ROBO1: variants seen among roughly 807,000 people sequenced by gnomAD.
ROBO1 encodes the protein roundabout guidance receptor 1.
A neutral mutation model predicts 195.9 loss-of-function variants in ROBO1; 149 were observed. The ratio of observed to expected loss-of-function variants is 0.76; its 90% CI spans 0.67 to 0.87. The LOEUF is 0.87. Ranked by LOEUF, ROBO1 falls within the 40% of genes least tolerant of loss-of-function variation. The probability of loss-of-function intolerance (pLI) is 0.00; values close to 1 mark genes in which losing one functional copy is unlikely to be tolerated. For synonymous variants in ROBO1, 816 were observed against 733.2 expected, an observed-to-expected ratio of 1.11 and a Z score of -1.82; for missense variants, 1,933 against 2,068.3, an observed-to-expected ratio of 0.93 and a Z score of 1.27.
At chr3:78,605,689 T>G (rs1703424302) in intron 29 of ROBO1, among the ~76,000 whole-genome samples, 2 of 152,244 alleles carry the variant, frequency 1.3e-5, no homozygotes, top group African/African-American at 2.4e-5. Flanking sequence ...TGTGTTCTTG[T>G]TGGCATTTTA....
At position 78,619,267 on chromosome 3, in the gene ROBO1, G is replaced by A. The variant is rs114105488; in HGVS notation, c.3876-1226C>T. Among the ~76,000 whole-genome samples the A allele has an allele frequency of 3.1e-3, 476 of 152,204 alleles. 4 individuals are homozygous for A. Among genetic ancestry groups the A allele is most frequent in the African/African-American group, 1.0e-2 (415 of 41,544 alleles). ...CCAAACTGAGCACTGGTATTGGAGAGCAGCTGAGATTAGGGTCTAGGGTCA... is the reference window on the plus strand; with the variant it reads ...CCAAACTGAGCACTGGTATTGGAGAACAGCTGAGATTAGGGTCTAGGGTCA... On this transcript the variant is annotated intron_variant, in intron 26 of 30. Transcript: ENST00000464233.
At chr3:79,742,055 T>A (rs1197947210) in intron 1 of ROBO1, among the ~76,000 whole-genome samples, 3 of 152,210 alleles carry the variant, frequency 2.0e-5, no homozygotes, top group Non-Finnish European at 4.4e-5. Context: ...GATCTGAAAC[T>A]GGAACTTATA....
intron 19 of ROBO1, among the ~76,000 whole-genome samples, chr3:78,650,221 C>A (rs1706560846): frequency 6.6e-6 from 1 of 152,118 alleles, no homozygotes; most frequent in South Asian, 2.1e-4. Flanking sequence ...GCCTGACATT[C>A]TTCTACTTTG....
chr3:79,242,879 C>T (rs150878713), intron 2 of ROBO1, among the ~76,000 whole-genome samples: 8,264 of 152,008 alleles, frequency 0.054, 344 homozygotes, highest in African/African-American at 0.12. Context: ...ATGTGCACAA[C>T]GTGCAGGTTT....
chr3:79,162,830 T>C (rs2080995448), intron 2 of ROBO1, among the ~76,000 whole-genome samples: 1 of 152,058 alleles, frequency 6.6e-6, no homozygotes. Context: ...TAAGAGAAAT[T>C]GGGTACTGCT....
chr3:78,926,418 A>G (rs1167977760), intron 4 of ROBO1, among the ~76,000 whole-genome samples: 7 of 152,166 alleles, frequency 4.6e-5, no homozygotes, highest in Non-Finnish European at 8.8e-5. Flanking sequence ...AAAATACTGA[A>G]GCTGTTCAGG....
intron 1 of ROBO1, among the ~76,000 whole-genome samples, chr3:79,639,947 C>G (rs2106655508): frequency 6.6e-6 from 1 of 152,230 alleles, no homozygotes; most frequent in South Asian, 2.1e-4. Context: ...GCATCAGTAG[C>G]TTGTAAGAGT....
intron 1 of ROBO1, among the ~76,000 whole-genome samples, chr3:79,733,011 G>A (rs2107366345): frequency 6.6e-6 from 1 of 152,200 alleles, no homozygotes; most frequent in East Asian, 1.9e-4. Context: ...TACCGCCATA[G>A]CAGTCCCCAA....
chr3:78,856,099 G>T (rs1366426427), intron 4 of ROBO1, among the ~76,000 whole-genome samples: 3 of 149,878 alleles, frequency 2.0e-5, no homozygotes, highest in African/African-American at 4.9e-5. Flanking sequence ...ATTCTAAAAG[G>T]AAGATCTATT....
chr3:79,496,387 C>CCTTTTTTTTTT, intron 2 of ROBO1, among the ~76,000 whole-genome samples: 1 of 112,836 alleles, frequency 8.9e-6, no homozygotes, highest in African/African-American at 3.5e-5. Flanking sequence ...GCGCACCCAT[C>CCTTTTTTTTTT]TTTTTTTGAG....
chr3:79,734,406 A>G (rs1388613315), intron 1 of ROBO1, among the ~76,000 whole-genome samples: 1 of 152,152 alleles, frequency 6.6e-6, no homozygotes, highest in Non-Finnish European at 1.5e-5. Context: ...CAATTATACT[A>G]TCTGTACTTT....
At chr3:78,928,217 T>C (rs576476872) in intron 4 of ROBO1, among the ~76,000 whole-genome samples, 1 of 152,300 alleles carries the variant, frequency 6.6e-6, no homozygotes, top group African/African-American at 2.4e-5. Flanking sequence ...TAATTGTCTG[T>C]AACTAAAAAG....
chr3:78,651,916 G>A lies in ROBO1; in HGVS notation c.2628C>T (p.Asn876=). 1 of 1,612,236 alleles carries A rather than the reference G, an allele frequency of 6.2e-7. No homozygotes were observed. The highest frequency in any genetic ancestry group is 8.5e-7 in the Non-Finnish European group (1 of 1,179,118). ...TGACTTGGTCCTCAGGTGACACAGG[G>A]TTTCCATGGGCATCTGAAAAGTCAT... ...PQFIQLDAHG[N]PVSPEDQVSL... is the part of the protein sequence containing the mutation. Residue 876 remains asparagine (N), a synonymous_variant, in exon 19 of 31, where the codon AAC becomes AAT. Coordinates refer to ENST00000464233, the MANE Select transcript of ROBO1 (RefSeq NM_002941.4).
chr3:79,595,229 G>T (rs1944128431), intron 1 of ROBO1, among the ~76,000 whole-genome samples: 1 of 151,876 alleles, frequency 6.6e-6, no homozygotes, highest in African/African-American at 2.4e-5. Context: ...TCAAAGAAAG[G>T]TTTGAAAATA....
At chr3:79,650,000 A>G (rs539843097) in intron 1 of ROBO1, among the ~76,000 whole-genome samples, 2 of 152,216 alleles carry the variant, frequency 1.3e-5, no homozygotes, top group Middle Eastern at 6.8e-3. Context: ...ATTGACAAAA[A>G]TTTCTATACT....
intron 1 of ROBO1, among the ~76,000 whole-genome samples, chr3:79,607,540 A>G (rs979402277): frequency 4.0e-5 from 6 of 151,260 alleles, no homozygotes; most frequent in Admixed American, 3.3e-4. Flanking sequence ...TATTCTTAAA[A>G]TTTTTTCCTC....
At chr3:79,730,768 CTTTTTTT>C (rs66527491) in intron 1 of ROBO1, among the ~76,000 whole-genome samples, 6 of 95,520 alleles carry the variant, frequency 6.3e-5, no homozygotes, top group Admixed American at 2.5e-4. Flanking sequence ...CCTGTATTTC[CTTTTTTT>C]TTTTTTTTTT....
At chr3:78,994,427 C>T (rs1342844336) in intron 3 of ROBO1, among the ~76,000 whole-genome samples, 1 of 152,144 alleles carries the variant, frequency 6.6e-6, no homozygotes, top group Non-Finnish European at 1.5e-5. Flanking sequence ...AGGTAAACCA[C>T]CTTCTTTATG....
At chr3:78,673,740 A>C (rs1371908907) in intron 10 of ROBO1, among the ~76,000 whole-genome samples, 1 of 150,694 alleles carries the variant, frequency 6.6e-6, no homozygotes, top group Non-Finnish European at 1.5e-5. Flanking sequence ...AATAGCGATC[A>C]TGAAGTCTAT....
Sources: gnomAD v4.1 joint callset for allele counts (sites outside exome capture counted in the v4.1 genomes callset) on GRCh38, gnomAD v4.1.1 for gene constraint, MANE v1.5 for transcripts, NCBI Gene and HGNC (gene_info 2026-07-23, HGNC 2026-07-21) for gene names.